The following SHCBP1L variants were observed in gnomAD, a reference collection of about 807,000 sequenced individuals.
SHCBP1L encodes the protein testicular spindle-associated protein SHCBP1L.
SHCBP1L carries 67 observed loss-of-function variants against 62.5 expected under a neutral mutation model. The observed-to-expected ratio is 1.07, with a 90% CI of 0.88 to 1.31. The LOEUF (loss-of-function observed/expected upper bound fraction) is 1.31. Among genes scored for constraint, SHCBP1L ranks in the 40% most tolerant of loss-of-function variants. The pLI, the probability that SHCBP1L is intolerant of heterozygous loss-of-function variation, is 0.00. For missense variants in SHCBP1L, 823 were observed against 809.8 expected (o/e 1.02, Z -0.20); for synonymous variants, 284 against 289.4 (o/e 0.98, Z 0.19).
At chr1:182,904,534 CGTGTGTGTGTGTGT>C (rs61031217) in intron 7 of SHCBP1L, 104 bp from the exon 8 acceptor site, 151 of 599,794 alleles carry the variant, frequency 2.5e-4, no homozygotes, top group East Asian at 2.3e-3. Context: ...TCCCTGTGTG[CGTGTGTGTGTGTGT>C]GTGTGTGTGT....
At position 182,939,545 on chromosome 1, in the gene SHCBP1L, TA is replaced by T; in HGVS notation, c.778del (p.Tyr260MetfsTer84). 2.5e-6 allele frequency: 4 copies of T among 1,599,722 alleles called. No individual in the cohort carries two copies. The highest frequency in any genetic ancestry group is 1.3e-5 in the African/African-American group (1 of 74,112). On this transcript the variant is annotated frameshift_variant, in exon 4 of 10. Coordinates refer to ENST00000367547, the MANE Select transcript of SHCBP1L (RefSeq NM_030933.4). LOFTEE classifies it high-confidence loss of function. ...ALALEVVRFFYDFLWRDWDDE... is the reference protein window; with the variant it reads ...ALALEVVRFFXDFLWRDWDDE... Reference sequence around the variant, plus strand: ...ATCCCAGTCTCTCCAAAGAAAGTCATAAAAAAACCTACGATAAACCAAATTA... The same window carrying T: ...ATCCCAGTCTCTCCAAAGAAAGTCATAAAAAACCTACGATAAACCAAATTA...
Position 182,952,759 on chromosome 1 carries a change from C to T in SHCBP1L, c.375G>A (p.Leu125=), listed in dbSNP as rs2101965233. 1 of 1,611,878 alleles carries T rather than the reference C, an allele frequency of 6.2e-7. No homozygotes were observed. The highest frequency in any genetic ancestry group is 8.5e-7 in the Non-Finnish European group (1 of 1,179,178). Residue 125 remains leucine, a synonymous_variant, in exon 1 of 10, where the codon CTG becomes CTA. Coordinates refer to ENST00000367547, the MANE Select transcript of SHCBP1L (RefSeq NM_030933.4). ...RGMWRDEKVS[L]YCDEVLQDCK... is the part of the protein sequence containing the mutation. Reference sequence around the variant, plus strand: ...AGTCCTGCAGCACTTCGTCGCAATACAGCGACACCTTCTCGTCCCGCCACA... The same window carrying T: ...AGTCCTGCAGCACTTCGTCGCAATATAGCGACACCTTCTCGTCCCGCCACA...
chr1:182,936,713 C>A (rs757779265), intron 5 of SHCBP1L, among the ~76,000 whole-genome samples: 1 of 151,872 alleles, frequency 6.6e-6, no homozygotes, highest in Non-Finnish European at 1.5e-5. Context: ...TGAATCATTA[C>A]CACTATTATG....
At position 182,952,832 on chromosome 1, in the gene SHCBP1L, T is replaced by C; in HGVS notation, c.302A>G (p.Glu101Gly). 2 of 1,611,992 alleles carry C rather than the reference T, an allele frequency of 1.2e-6. No homozygotes were observed. The highest frequency in any genetic ancestry group is 1.7e-6 in the Non-Finnish European group (2 of 1,179,394). The change falls in exon 1 of 10, where the codon GAG becomes GGG. Residue 101 changes from glutamate (E) to glycine (G), a missense_variant. Transcript: ENST00000367547. ...GACTGGGGGCAGGGGCTGCGCCTCCTCTTCATCCTCAGGCACTGGCAGCAG... is the reference window on the plus strand; with the variant it reads ...GACTGGGGGCAGGGGCTGCGCCTCCCCTTCATCCTCAGGCACTGGCAGCAG... Reference protein sequence around the residue: ...EPLLPVPEDEEEAQPLPPVCV... With the variant: ...EPLLPVPEDEGEAQPLPPVCV...
intron 6 of SHCBP1L, among the ~76,000 whole-genome samples, chr1:182,908,604 T>A (rs1001337757): frequency 6.6e-6 from 1 of 152,212 alleles, no homozygotes; most frequent in Non-Finnish European, 1.5e-5. Context: ...TACTAATGTA[T>A]CAAACAGATA....
At chr1:182,944,843 A>T (rs1277921681) in intron 2 of SHCBP1L, among the ~76,000 whole-genome samples, 1 of 151,852 alleles carries the variant, frequency 6.6e-6, no homozygotes, top group Non-Finnish European at 1.5e-5. Context: ...GAAAAATGTG[A>T]TTCACAGGTG....
intron 6 of SHCBP1L, among the ~76,000 whole-genome samples, 153 bp downstream of exon 6, chr1:182,929,494 A>T (rs896810340): frequency 1.3e-5 from 2 of 152,182 alleles, no homozygotes; most frequent in African/African-American, 4.8e-5. Context: ...CCATTTATTT[A>T]TTTAGTATCT....
At chr1:182,914,166 T>C (rs1379810243) in intron 6 of SHCBP1L, among the ~76,000 whole-genome samples, 1 of 152,096 alleles carries the variant, frequency 6.6e-6, no homozygotes, top group Non-Finnish European at 1.5e-5. Flanking sequence ...CCAAAAATTC[T>C]ATATCTAGAA....
In SHCBP1L at chr1:182,933,447, C is replaced by CA. The variant is rs529296913; in HGVS notation, c.1077-3696dup. On this transcript the variant is annotated intron_variant, in intron 5 of 9. Transcript: ENST00000367547. ...GGGAAAAACATCTCTTCTTTCACCA[C>CA]AAAAAATGATGACTCTAGCTGTGAG... 1.2e-3 allele frequency among the ~76,000 whole-genome samples: 186 copies of CA among 152,156 alleles called. 1 individual carries two copies. The highest frequency in any genetic ancestry group is 3.5e-3 in the African/African-American group (145 of 41,520).
At chr1:182,927,554 C>T (rs369444575) in intron 6 of SHCBP1L, among the ~76,000 whole-genome samples, 60 of 151,772 alleles carry the variant, frequency 4.0e-4, no homozygotes, top group African/African-American at 1.4e-3. Flanking sequence ...CGCCTGTAGT[C>T]CCAGCTACTC....
chr1:182,924,623 A>G (rs955454596), intron 6 of SHCBP1L, among the ~76,000 whole-genome samples: 1 of 150,530 alleles, frequency 6.6e-6, no homozygotes, highest in Non-Finnish European at 1.5e-5. Flanking sequence ...TAAAATGACC[A>G]TGCTGACCAA....
chr1:182,917,329 A>G (rs1189094970), intron 6 of SHCBP1L, among the ~76,000 whole-genome samples: 1 of 152,216 alleles, frequency 6.6e-6, no homozygotes. Flanking sequence ...ATCAATCATA[A>G]CACACCACAT....
chr1:182,901,349 T>A (rs542973703), intron 9 of SHCBP1L, among the ~76,000 whole-genome samples: 1 of 152,216 alleles, frequency 6.6e-6, no homozygotes, highest in South Asian at 2.1e-4. Context: ...CCCAGCTACC[T>A]AGAAGGCTGA....
chr1:182,940,237 G>A (rs1651311477), intron 3 of SHCBP1L, 92 bp downstream of exon 3: 4 of 1,004,404 alleles, frequency 4.0e-6, no homozygotes, highest in Non-Finnish European at 5.9e-6. Context: ...AATTAAATCA[G>A]TAAGTGCTTG....
chr1:182,924,648 G>A (rs571477969), intron 6 of SHCBP1L, among the ~76,000 whole-genome samples: 2 of 143,888 alleles, frequency 1.4e-5, no homozygotes, highest in East Asian at 4.0e-4. Flanking sequence ...ATGTACAGAT[G>A]CAGTGCTATT....
chr1:182,953,036 TC>T lies in SHCBP1L; in HGVS notation c.97del (p.Asp33ThrfsTer8). On this transcript the variant is annotated frameshift_variant, in exon 1 of 10. Transcript: ENST00000367547. LOFTEE classifies it high-confidence loss of function. The part of the protein sequence containing the change: ...GEKSASAVSG[D>X]TAAATTLKGT... ...CTTCAGGGTGGTCGCGGCCGCCGTG[TC>T]CCCGGAGACAGCGGAGGCGGACTTC... is the stretch of plus-strand genomic sequence containing the variant. 6.5e-7 allele frequency: 1 copy of T among 1,544,564 alleles called. No individual in the cohort carries two copies.
chr1:182,922,719 T>C (rs904484977), intron 6 of SHCBP1L, among the ~76,000 whole-genome samples: 9 of 152,180 alleles, frequency 5.9e-5, no homozygotes, highest in Middle Eastern at 6.8e-3. Flanking sequence ...AACAAGGATA[T>C]AACATACCAG....
At chr1:182,908,762 G>A (rs540698511) in intron 6 of SHCBP1L, among the ~76,000 whole-genome samples, 4 of 151,998 alleles carry the variant, frequency 2.6e-5, no homozygotes, top group African/African-American at 9.7e-5. Context: ...TGAATCAAAA[G>A]GTATAAACAT....
chr1:182,928,295 T>C (rs2101940739), intron 6 of SHCBP1L, among the ~76,000 whole-genome samples: 1 of 152,280 alleles, frequency 6.6e-6, no homozygotes, highest in African/African-American at 2.4e-5. Context: ...GCTGGGCACC[T>C]ACCATGTACC....
Sources: gnomAD v4.1 joint callset for allele counts (sites outside exome capture counted in the v4.1 genomes callset) on GRCh38, gnomAD v4.1.1 for gene constraint, MANE v1.5 for transcripts, NCBI Gene and HGNC (gene_info 2026-07-23, HGNC 2026-07-21) for gene names.